TUSC3: variants seen among roughly 807,000 people sequenced by gnomAD.
TUSC3 encodes the protein dolichyl-diphosphooligosaccharide--protein glycosyltransferase subunit TUSC3.
TUSC3 carries 45 observed loss-of-function variants against 44.8 expected under a neutral mutation model. That is an observed-to-expected ratio of 1.00 (90% confidence interval 0.79 to 1.29). TUSC3 has a LOEUF of 1.29. TUSC3 is among the 50% of genes most tolerant of loss of function. The pLI is 0.00. For missense variants in TUSC3, 519 were observed against 437.9 expected (o/e 1.19, Z -1.65); for synonymous variants, 212 against 152.9 (o/e 1.39, Z -2.85).
the TUSC3 span, among the ~76,000 whole-genome samples, chr8:15,798,773 G>A: frequency 6.6e-6 from 1 of 152,104 alleles, no homozygotes; most frequent in African/African-American, 2.4e-5. Flanking sequence ...CTCTTACAGG[G>A]ACAACATTTT....
intron 1 of TUSC3, among the ~76,000 whole-genome samples, chr8:15,428,732 AT>A (rs1400616750): frequency 2.0e-5 from 3 of 151,978 alleles, no homozygotes; most frequent in South Asian, 4.1e-4. Context: ...GATGATGAGC[AT>A]TTTTTCATGT....
intron 1 of TUSC3, among the ~76,000 whole-genome samples, chr8:15,576,279 G>GTTTTTTT (rs1175068882): frequency 4.8e-5 from 5 of 104,792 alleles, no homozygotes; most frequent in East Asian, 5.4e-4. Flanking sequence ...TGGTCCTCTT[G>GTTTTTTT]TTTTTTTTTT....
At chr8:15,418,694 C>T (rs1799690139) in intron 1 of TUSC3, among the ~76,000 whole-genome samples, 2 of 152,070 alleles carry the variant, frequency 1.3e-5, no homozygotes, top group Non-Finnish European at 1.5e-5. Context: ...TTGTCAATAC[C>T]TAAGAGTTAA....
chr8:15,446,253 GC>G (rs1268239307), intron 1 of TUSC3, among the ~76,000 whole-genome samples: 1 of 151,908 alleles, frequency 6.6e-6, no homozygotes, highest in Non-Finnish European at 1.5e-5. Context: ...TGGGATGGCG[GC>G]CGGGAAGAGG....
chr8:15,825,774 GTATTTTGTTGTTAAGGCCTTGGC>G, the TUSC3 span, among the ~76,000 whole-genome samples: 1 of 151,842 alleles, frequency 6.6e-6, no homozygotes. Flanking sequence ...TTTTGCCCAG[GTATTTTGTTGTTAAGGCCTTGGC>G]TATTTTACCT....
At chr8:15,456,338 A>G (rs111766515) in intron 1 of TUSC3, among the ~76,000 whole-genome samples, 4 of 152,298 alleles carry the variant, frequency 2.6e-5, no homozygotes, top group African/African-American at 9.6e-5. Flanking sequence ...TTTTACACCA[A>G]TTTGGCCTTT....
intron 2 of TUSC3, among the ~76,000 whole-genome samples, chr8:15,509,143 G>C (rs1180752968): frequency 6.6e-6 from 1 of 152,208 alleles, no homozygotes; most frequent in Admixed American, 6.5e-5. Flanking sequence ...TAAGGATGCA[G>C]TCTTTTGCTC....
chr8:15,431,720 C>G (rs955231764), intron 1 of TUSC3, among the ~76,000 whole-genome samples: 3 of 151,526 alleles, frequency 2.0e-5, no homozygotes, highest in African/African-American at 7.2e-5. Flanking sequence ...ACTGGTAAGA[C>G]TGGGCAACTT....
rs554233315 is a variant in TUSC3, at chr8:15,713,301, A to G, written c.799-17365A>G. The stretch of plus-strand genomic sequence containing the variant: ...CACATATTTACACTTGTAAGTATAT[A>G]TAATACATGTGTTTAATTTACATGC... On this transcript the variant is annotated intron_variant, in intron 6 of 10. Transcript: ENST00000503731. Among the ~76,000 whole-genome samples, 4 of 152,306 alleles carry G rather than the reference A, an allele frequency of 2.6e-5. 1 individual carries two copies. The South Asian group carries it at 8.3e-4, about 32-fold the overall frequency.
At chr8:15,599,876 A>G (rs1421793301) in intron 1 of TUSC3, among the ~76,000 whole-genome samples, 2 of 151,568 alleles carry the variant, frequency 1.3e-5, no homozygotes, top group African/African-American at 4.8e-5. Flanking sequence ...TTCTCCTTAA[A>G]TGTTGGTTGG....
At position 15,499,789 on chromosome 8, in the gene TUSC3, C is replaced by A. The variant is rs767304730; in HGVS notation, n.189+16306C>A. On this transcript the variant is annotated intron_variant and non_coding_transcript_variant, in intron 2 of 5. Transcript: ENST00000503191. ...GTCTTCTCCCTACACCATTAATGTT[C>A]TTTTTCCTCCCTGCAGCTTGTCAAC... 1.3e-5 allele frequency among the ~76,000 whole-genome samples: 2 copies of A among 152,118 alleles called. 1 individual carries two copies. Among genetic ancestry groups the A allele is most frequent in the Non-Finnish European group, 2.9e-5 (2 of 68,020 alleles).
intron 2 of TUSC3, among the ~76,000 whole-genome samples, chr8:15,629,388 A>C (rs549304839): frequency 2.0e-5 from 3 of 152,228 alleles, no homozygotes; most frequent in South Asian, 4.1e-4. Flanking sequence ...GGCAGAGTGG[A>C]CCAAAGAGAT....
chr8:15,467,819 T>C lies in TUSC3; in HGVS notation n.92-15567T>C, dbSNP rs1259551681. Among the ~76,000 whole-genome samples the C allele has an allele frequency of 2.0e-5, 3 of 152,174 alleles. No homozygotes were observed. The East Asian group carries it at 5.8e-4, about 29-fold the overall frequency. ...TCTGCTTTTAAGGACACAATATCTTTTCTACGTATGCTTCTAACCTAAAGT... is the reference window on the plus strand; with the variant it reads ...TCTGCTTTTAAGGACACAATATCTTCTCTACGTATGCTTCTAACCTAAAGT... On this transcript the variant is annotated intron_variant and non_coding_transcript_variant, in intron 1 of 5. Coordinates refer to the TUSC3 transcript ENST00000503191.
intron 6 of TUSC3, among the ~76,000 whole-genome samples, chr8:15,721,041 C>G (rs1383801770): frequency 1.3e-5 from 2 of 152,054 alleles, no homozygotes; most frequent in East Asian, 3.8e-4. Context: ...AAGAGATAGA[C>G]TATGCTTCGA....
chr8:15,613,798 T>A (rs1804866825), intron 1 of TUSC3, among the ~76,000 whole-genome samples: 2 of 152,170 alleles, frequency 1.3e-5, no homozygotes. Context: ...AACATTCCCT[T>A]TAAGCATGGA....
chr8:15,783,648 G>T, the TUSC3 span, among the ~76,000 whole-genome samples: 2 of 152,170 alleles, frequency 1.3e-5, no homozygotes, highest in Non-Finnish European at 2.9e-5. Context: ...TTAATAAATG[G>T]TGTTGGGGAA....
intron 6 of TUSC3, among the ~76,000 whole-genome samples, chr8:15,676,601 G>A (rs748130508): frequency 1.7e-4 from 26 of 152,042 alleles, no homozygotes; most frequent in Non-Finnish European, 3.5e-4. Context: ...ATTTTCCAGC[G>A]GACATTTGGT....
chr8:15,504,862 C>G (rs1045876482), intron 2 of TUSC3, among the ~76,000 whole-genome samples: 2 of 151,264 alleles, frequency 1.3e-5, no homozygotes, highest in Non-Finnish European at 2.9e-5. Context: ...CCGTGTTAGC[C>G]AGGATGGTCT....
chr8:15,444,934 G>T (rs1800072981), intron 1 of TUSC3, among the ~76,000 whole-genome samples: 1 of 152,170 alleles, frequency 6.6e-6, no homozygotes, highest in Non-Finnish European at 1.5e-5. Context: ...GAGCGCTGGT[G>T]CTGTGCACTC....
Sources: gnomAD v4.1 joint callset for allele counts (sites outside exome capture counted in the v4.1 genomes callset) on GRCh38, gnomAD v4.1.1 for gene constraint, MANE v1.5 for transcripts, NCBI Gene and HGNC (gene_info 2026-07-23, HGNC 2026-07-21) for gene names.